The following NRXN3 variants were observed in gnomAD, a reference collection of about 807,000 sequenced individuals.
NRXN3 encodes the protein neurexin 3.
NRXN3 carries 32 observed loss-of-function variants against 137.6 expected under a neutral mutation model. That is an observed-to-expected ratio of 0.23 (90% CI 0.18 to 0.31). The LOEUF is 0.31. Among genes scored for constraint, NRXN3 ranks in the 10% least tolerant of loss-of-function variants. The probability of loss-of-function intolerance (pLI) is 1.00; values close to 1 mark genes in which losing one functional copy is unlikely to be tolerated. For missense variants in NRXN3, 1,574 were observed against 2,062.5 expected, an observed-to-expected ratio of 0.76 and a Z score of 4.59; for synonymous variants, 798 against 784.5, an observed-to-expected ratio of 1.02 and a Z score of -0.29.
At chr14:79,001,579 C>A (rs1267644868) in intron 15 of NRXN3, among the ~76,000 whole-genome samples, 3 of 152,200 alleles carry the variant, frequency 2.0e-5, no homozygotes, top group African/African-American at 7.2e-5. Flanking sequence ...TGGATCTATA[C>A]CCCTTTGGGG....
chr14:78,915,432 T>C, intron 10 of NRXN3, among the ~76,000 whole-genome samples: 1 of 138,686 alleles, frequency 7.2e-6, no homozygotes, highest in Non-Finnish European at 1.5e-5. Flanking sequence ...TTTAGAGAAG[T>C]CAAAGAAATA....
At chr14:78,260,601 G>A (rs2070534580) in intron 2 of NRXN3, among the ~76,000 whole-genome samples, 1 of 152,110 alleles carries the variant, frequency 6.6e-6, no homozygotes, top group South Asian at 2.1e-4. Context: ...TGAATCATGG[G>A]GGCAGGTCTT....
intron 15 of NRXN3, among the ~76,000 whole-genome samples, chr14:79,189,176 GCACATATA>G (rs2063912205): frequency 6.6e-6 from 1 of 151,758 alleles, no homozygotes; most frequent in Non-Finnish European, 1.5e-5. Context: ...AGAAAATGTG[GCACATATA>G]CACCATGGAA....
intron 4 of NRXN3, among the ~76,000 whole-genome samples, chr14:78,604,581 A>G (rs1184284415): frequency 1.3e-5 from 2 of 152,186 alleles, no homozygotes; most frequent in Non-Finnish European, 2.9e-5. Flanking sequence ...GGGAAAAGTG[A>G]GAATTAGCTT....
At position 78,557,844 on chromosome 14, in the gene NRXN3, G is replaced by A. The variant is rs565823663; in HGVS notation, c.758-87276G>A. ...GACTGCAATCTAGCACCTGCCAGAGGCTTGCTGAAGGCATCTGTTACTTAT... is the reference window on the plus strand; with the variant it reads ...GACTGCAATCTAGCACCTGCCAGAGACTTGCTGAAGGCATCTGTTACTTAT... On this transcript the variant is annotated intron_variant, in intron 4 of 20. Transcript: ENST00000335750. 3.3e-5 allele frequency among the ~76,000 whole-genome samples: 5 copies of A among 152,318 alleles called. No homozygotes were observed. In the East Asian group the frequency reaches 9.7e-4, roughly 29 times the overall value.
intron 10 of NRXN3, among the ~76,000 whole-genome samples, chr14:78,922,058 C>T (rs1484445683): frequency 2.0e-5 from 3 of 152,150 alleles, no homozygotes; most frequent in Non-Finnish European, 2.9e-5. Context: ...GAAGTTGTAA[C>T]CCTGGTGATT....
chr14:79,787,834 A>T (rs2140231482), intron 19 of NRXN3, among the ~76,000 whole-genome samples: 1 of 152,284 alleles, frequency 6.6e-6, no homozygotes, highest in East Asian at 1.9e-4. Flanking sequence ...TTCTTGAAAA[A>T]ATAGCTTATA....
chr14:79,590,857 T>C (rs1221724453), intron 16 of NRXN3, among the ~76,000 whole-genome samples: 1 of 152,218 alleles, frequency 6.6e-6, no homozygotes, highest in East Asian at 1.9e-4. Flanking sequence ...ATTTCAATTT[T>C]TTTCTTTTTA....
rs374537113 is a variant in NRXN3, at chr14:78,527,378, T to C, written c.758-117742T>C. Among the ~76,000 whole-genome samples, 7 of 152,220 alleles carry C rather than the reference T, an allele frequency of 4.6e-5. No individual in the cohort carries two copies. The East Asian group carries it at 1.4e-3, about 29-fold the overall frequency. On this transcript the variant is annotated intron_variant, in intron 4 of 20. Transcript: ENST00000335750. ...AGGAAGAGATGAAGTGGGAAGGTGA[T>C]ACACACTTTTAAACAACCAGATCTT...
At chr14:79,392,698 G>T (rs2094889632) in intron 15 of NRXN3, among the ~76,000 whole-genome samples, 1 of 152,108 alleles carries the variant, frequency 6.6e-6, no homozygotes. Flanking sequence ...ATGGCCAGGT[G>T]TGGTGGCTCA....
chr14:79,400,013 T>C (rs1441355008), intron 15 of NRXN3, among the ~76,000 whole-genome samples: 1 of 152,238 alleles, frequency 6.6e-6, no homozygotes, highest in African/African-American at 2.4e-5. Context: ...CATGTGTGCA[T>C]GTGCACCTGT....
At chr14:79,588,049 A>C (rs1251695135) in intron 16 of NRXN3, among the ~76,000 whole-genome samples, 1 of 152,182 alleles carries the variant, frequency 6.6e-6, no homozygotes, top group Non-Finnish European at 1.5e-5. Flanking sequence ...ATTATAGGCT[A>C]TTTCAGATTC....
At chr14:79,752,272 G>T (rs1055692963) in intron 19 of NRXN3, among the ~76,000 whole-genome samples, 1 of 152,086 alleles carries the variant, frequency 6.6e-6, no homozygotes, top group Non-Finnish European at 1.5e-5. Context: ...TCTATTCAGA[G>T]ATTCAAATTC....
chr14:78,234,550 C>G (rs1465009917), intron 1 of NRXN3, among the ~76,000 whole-genome samples: 2 of 152,160 alleles, frequency 1.3e-5, no homozygotes, highest in Non-Finnish European at 2.9e-5. Context: ...ATGCCTTTAA[C>G]CACTACATTA....
intron 4 of NRXN3, among the ~76,000 whole-genome samples, chr14:78,605,682 A>G (rs1182237361): frequency 1.3e-5 from 2 of 152,016 alleles, no homozygotes; most frequent in African/African-American, 4.8e-5. Flanking sequence ...CAGAAGTGCT[A>G]TATTTGAACA....
At chr14:79,583,670 T>A (rs1027416368) in intron 16 of NRXN3, among the ~76,000 whole-genome samples, 5 of 152,128 alleles carry the variant, frequency 3.3e-5, no homozygotes, top group African/African-American at 1.2e-4. Flanking sequence ...CTGTAAGCAA[T>A]TCCTCTAAAA....
At chr14:78,907,399 A>G (rs1171303278) in intron 10 of NRXN3, among the ~76,000 whole-genome samples, 1 of 152,008 alleles carries the variant, frequency 6.6e-6, no homozygotes, top group African/African-American at 2.4e-5. Flanking sequence ...GATAGAGTCT[A>G]AAGGGGAAAT....
chr14:79,739,648 C>CAAAAA (rs72347811), intron 19 of NRXN3, among the ~76,000 whole-genome samples: 359 of 31,714 alleles, frequency 0.011, 40 homozygotes, highest in South Asian at 0.018. Flanking sequence ...GACTCTGCCT[C>CAAAAA]AAAAAAAAAA....
intron 16 of NRXN3, among the ~76,000 whole-genome samples, chr14:79,604,306 C>T (rs1477816338): frequency 1.3e-5 from 2 of 152,096 alleles, no homozygotes; most frequent in Non-Finnish European, 2.9e-5. Flanking sequence ...GTGATCTCAG[C>T]TCACTACAAA....
Sources: allele counts gnomAD v4.1 joint callset (sites outside exome capture counted in the v4.1 genomes callset), GRCh38; gene constraint gnomAD v4.1.1; transcripts MANE v1.5; gene names NCBI Gene and HGNC (gene_info 2026-07-23, HGNC 2026-07-21).